The following RABEP1 variants were observed in gnomAD, a reference collection of about 807,000 sequenced individuals.
RABEP1 encodes rabaptin, RAB GTPase binding effector protein 1.
Under a neutral mutation model 123.4 loss-of-function variants are expected in RABEP1, and 51 were observed. The ratio of observed to expected loss-of-function variants is 0.41; its 90% CI spans 0.33 to 0.52. The LOEUF (loss-of-function observed/expected upper bound fraction) is 0.52. Ranked by LOEUF, RABEP1 falls within the 20% of genes least tolerant of loss-of-function variation. The pLI is 0.16. For synonymous variants in RABEP1, 347 were observed against 355.2 expected, an observed-to-expected ratio of 0.98 and a Z score of 0.26; for missense variants, 888 against 996.3, an observed-to-expected ratio of 0.89 and a Z score of 1.46.
intron 11 of RABEP1, among the ~76,000 whole-genome samples, chr17:5,367,194 A>G (rs2144692622): frequency 6.6e-6 from 1 of 152,142 alleles, no homozygotes; most frequent in East Asian, 1.9e-4. Flanking sequence ...GATATCCTAT[A>G]TTATAGAGGT....
intron 4 of RABEP1, among the ~76,000 whole-genome samples, chr17:5,336,048 T>C (rs1192296629): frequency 6.6e-6 from 1 of 152,250 alleles, no homozygotes. Flanking sequence ...GGCAACTAAA[T>C]GTAAATTGAG....
chr17:5,295,291 A>G (rs1315227262), intron 1 of RABEP1, among the ~76,000 whole-genome samples: 2 of 151,822 alleles, frequency 1.3e-5, no homozygotes, highest in African/African-American at 4.8e-5. Flanking sequence ...AGAGAGGCTT[A>G]GGCAGGACAA....
intron 2 of RABEP1, among the ~76,000 whole-genome samples, chr17:5,316,561 G>A (rs1393561536): frequency 1.3e-5 from 2 of 148,520 alleles, no homozygotes; most frequent in East Asian, 2.0e-4. Flanking sequence ...GGCTGGGCAC[G>A]GTGACTCATG....
intron 5 of RABEP1, among the ~76,000 whole-genome samples, chr17:5,341,289 A>C (rs1907582947): frequency 6.6e-6 from 1 of 152,202 alleles, no homozygotes; most frequent in African/African-American, 2.4e-5. Flanking sequence ...AAAAGAACAT[A>C]ACTACAAATC....
At chr17:5,294,973 A>G (rs1180122243) in intron 1 of RABEP1, among the ~76,000 whole-genome samples, 2 of 151,836 alleles carry the variant, frequency 1.3e-5, no homozygotes, top group South Asian at 2.1e-4. Context: ...AGAGTTTCAT[A>G]TGTATAAAAT....
chr17:5,368,621 A>G (rs1172650808), intron 12 of RABEP1, among the ~76,000 whole-genome samples, 153 bp downstream of exon 12: 1 of 152,210 alleles, frequency 6.6e-6, no homozygotes, highest in Non-Finnish European at 1.5e-5. Flanking sequence ...AATGGACAAA[A>G]TATTGTAAAG....
rs1468806007 is a variant in RABEP1, at chr17:5,365,248, G to C, written c.1785+10G>C. 6.3e-7 allele frequency: 1 copy of C among 1,580,460 alleles called. No individual in the cohort carries two copies. The highest frequency in any genetic ancestry group is 1.4e-5 in the African/African-American group (1 of 73,542). On this transcript the variant is annotated intron_variant, in intron 11 of 17. Coordinates refer to ENST00000537505, the MANE Select transcript of RABEP1 (RefSeq NM_004703.6). ...AGATTCGAGTCACCAGGTAAGGGAG[G>C]GTTTATAGACTGTGGCCCATGAGGG...
Position 5,295,709 on chromosome 17 carries a change from A to G in RABEP1, c.35-12985A>G, listed in dbSNP as rs546069570. On this transcript the variant is annotated intron_variant, in intron 1 of 17. Coordinates refer to ENST00000537505, the MANE Select transcript of RABEP1 (RefSeq NM_004703.6). ...GGAAAGCCAACCCCTAGTAGCTTCA[A>G]AAGTGAAGGGTTCAGTTTTTCTGTG... Among the ~76,000 whole-genome samples the G allele has an allele frequency of 3.7e-4, 56 of 152,304 alleles. 1 individual carries two copies. The highest frequency in any genetic ancestry group is 1.3e-3 in the African/African-American group (54 of 41,582).
At chr17:5,288,335 G>T (rs954109683) in intron 1 of RABEP1, among the ~76,000 whole-genome samples, 2 of 152,084 alleles carry the variant, frequency 1.3e-5, no homozygotes, top group African/African-American at 4.8e-5. Context: ...TTCCTTAGAG[G>T]TGTACGGGAA....
chr17:5,308,672 A>G, intron 1 of RABEP1, 22 bp from the exon 2 acceptor site: 2 of 1,599,506 alleles, frequency 1.3e-6, no homozygotes, highest in Non-Finnish European at 8.5e-7. Context: ...ATTACTTGTT[A>G]ACTAGTGTTT....
chr17:5,312,283 G>A (rs1202649808), intron 2 of RABEP1, among the ~76,000 whole-genome samples: 1 of 152,116 alleles, frequency 6.6e-6, no homozygotes, highest in African/African-American at 2.4e-5. Context: ...CGAGTAGCAG[G>A]GATTACAGGT....
chr17:5,374,562 G>A (rs961300641), intron 13 of RABEP1, among the ~76,000 whole-genome samples: 15 of 151,874 alleles, frequency 9.9e-5, no homozygotes, highest in Middle Eastern at 3.4e-3. Context: ...TCAGCCTCCC[G>A]AGTAGCTGGG....
Position 5,308,679 on chromosome 17 carries a change from G to T in RABEP1, c.35-15G>T. On this transcript the variant is annotated splice_polypyrimidine_tract_variant and intron_variant, in intron 1 of 17. Transcript: ENST00000537505. ...TAAAAGTTATTACTTGTTAACTAGT[G>T]TTTTTTTCCCCCAGTTTCTCTTCAG... 6.2e-7 allele frequency: 1 copy of T among 1,600,366 alleles called. No homozygotes were observed. Among genetic ancestry groups the T allele is most frequent in the Non-Finnish European group, 8.5e-7 (1 of 1,175,246 alleles).
In RABEP1 at chr17:5,361,292, G is replaced by A. The variant is rs1227217588; in HGVS notation, c.1180G>A (p.Asp394Asn). Residue 394 changes from aspartate (D) to asparagine (N), a missense_variant, in exon 9 of 18, where the codon GAC becomes AAC. Coordinates refer to ENST00000537505, the MANE Select transcript of RABEP1 (RefSeq NM_004703.6). ...LPSGDPFSKS[D>N]NDMFKDGLRR... ...ATCTGGAGATCCTTTCAGTAAATCG[G>A]ACAATGACATGTTTAAAGATGGACT... 1.2e-6 allele frequency: 2 copies of A among 1,613,952 alleles called. No homozygotes were observed. The highest frequency in any genetic ancestry group is 1.7e-6 in the Non-Finnish European group (2 of 1,180,018).
intron 2 of RABEP1, among the ~76,000 whole-genome samples, chr17:5,313,776 T>A (rs565747394): frequency 2.2e-4 from 33 of 152,246 alleles, no homozygotes; most frequent in African/African-American, 7.2e-4. Flanking sequence ...TTACAAAATT[T>A]CAAAAAAAAT....
At chr17:5,337,063 G>A (rs1188155467) in intron 4 of RABEP1, among the ~76,000 whole-genome samples, 2 of 152,148 alleles carry the variant, frequency 1.3e-5, no homozygotes, top group African/African-American at 4.8e-5. Flanking sequence ...AAGTGTATGT[G>A]TATATAAGAA....
chr17:5,378,221 GA>G lies in RABEP1; in HGVS notation c.2265del (p.Gly756AspfsTer7). 1.3e-6 allele frequency: 2 copies of G among 1,593,856 alleles called. No individual in the cohort carries two copies. The highest frequency in any genetic ancestry group is 1.1e-5 in the South Asian group (1 of 90,584). ...AGCTGAATTAGAAAGAATAAAAGTG[GA>G]AAAAGGACAGGTAAGTCGTGAGTTT... ...LKAELERIKV[E>X]KGQLESTLRE... On this transcript the variant is annotated frameshift_variant, in exon 15 of 18. Transcript: ENST00000537505. LOFTEE classifies it high-confidence loss of function.
intron 1 of RABEP1, among the ~76,000 whole-genome samples, chr17:5,302,716 T>C (rs918632403): frequency 6.6e-6 from 1 of 150,888 alleles, no homozygotes; most frequent in African/African-American, 2.4e-5. Context: ...TTAGTAGAGA[T>C]GGGATCTCAC....
intron 7 of RABEP1, 124 bp from the exon 8 acceptor site, chr17:5,354,235 C>G: frequency 1.2e-6 from 1 of 821,796 alleles, no homozygotes; most frequent in Non-Finnish European, 1.8e-6. Context: ...AACAAAGAAG[C>G]GTAAGTATCC....
Sources: allele counts gnomAD v4.1 joint callset (sites outside exome capture counted in the v4.1 genomes callset), GRCh38; gene constraint gnomAD v4.1.1; transcripts MANE v1.5; gene names NCBI Gene and HGNC (gene_info 2026-07-23, HGNC 2026-07-21).